Variants in KCNJ12 observed in about 807,000 individuals in gnomAD.
KCNJ12 encodes the protein potassium inwardly rectifying channel subfamily J member 12, also known as ATP-sensitive inward rectifier potassium channel 12.
A neutral mutation model predicts 22.3 loss-of-function variants in KCNJ12; 2 were observed. That is an observed-to-expected ratio of 0.09 (90% CI 0.04 to 0.28). The LOEUF is 0.28. KCNJ12 is among the 10% of genes least tolerant of loss of function. The pLI, the probability that KCNJ12 is intolerant of heterozygous loss-of-function variation, is 1.00. For synonymous variants in KCNJ12, 117 were observed against 261.4 expected (o/e 0.45, Z 5.33); for missense variants, 155 against 633.3 (o/e 0.24, Z 8.11).
intron 1 of KCNJ12, among the ~76,000 whole-genome samples, chr17:21,395,538 A>G (rs574575024): frequency 1.1e-3 from 131 of 124,498 alleles, no homozygotes; most frequent in Admixed American, 1.6e-3. Flanking sequence ...CCGAGATCGC[A>G]CCACTACACT....
intron 1 of KCNJ12, among the ~76,000 whole-genome samples, chr17:21,378,611 C>T (rs1904756172): frequency 6.6e-6 from 1 of 152,208 alleles, no homozygotes; most frequent in Non-Finnish European, 1.5e-5. Flanking sequence ...AGGGACACCC[C>T]TCTTCTCCAC....
intron 1 of KCNJ12, among the ~76,000 whole-genome samples, chr17:21,404,480 C>T (rs1455296769): frequency 1.3e-5 from 2 of 152,380 alleles, no homozygotes; most frequent in East Asian, 1.9e-4. Context: ...TGAAGGCAGG[C>T]GCCCAATGCT....
At chr17:21,394,313 T>C (rs1368357092) in intron 1 of KCNJ12, among the ~76,000 whole-genome samples, 1 of 152,208 alleles carries the variant, frequency 6.6e-6, no homozygotes, top group Non-Finnish European at 1.5e-5. Flanking sequence ...CTGCCTACAG[T>C]GTTCAGTACA....
chr17:21,376,549 CG>C lies in KCNJ12; in HGVS notation c.-539del, dbSNP rs1398511098. The C allele has an allele frequency of 4.0e-5, 6 of 151,570 alleles. No homozygotes were observed. Among genetic ancestry groups the C allele is most frequent in the African/African-American group, 1.5e-4 (6 of 41,168 alleles). The allele number at this position is 151,570 out of a possible 1,614,324, so 9.4% of individuals were successfully genotyped here. A position where few individuals can be genotyped will look rare whatever the true frequency, so the allele number is the denominator to read the frequency against. On this transcript the variant is annotated 5_prime_UTR_variant, in exon 1 of 3. Transcript: ENST00000583088. The surrounding 1 kb of genome is among the most constrained non-coding windows in gnomAD (Gnocchi z 5.3). ...CGCGGTCAGAGCCTGCGAGGAGGTGCGGGGCGCCGGGGCGTAGGGGAGCGCG... is the reference window on the plus strand; with the variant it reads ...CGCGGTCAGAGCCTGCGAGGAGGTGCGGGCGCCGGGGCGTAGGGGAGCGCG...
intron 1 of KCNJ12, among the ~76,000 whole-genome samples, chr17:21,382,821 G>A (rs996762839): frequency 1.1e-4 from 16 of 152,130 alleles, no homozygotes; most frequent in Admixed American, 5.9e-4. Context: ...GGGAGTGGGG[G>A]CAGAAAAGGA....
chr17:21,377,318 G>A (rs1419468840), intron 1 of KCNJ12, among the ~76,000 whole-genome samples: 1 of 152,122 alleles, frequency 6.6e-6, no homozygotes, highest in Non-Finnish European at 1.5e-5. Flanking sequence ...CGGAGACCCC[G>A]CGATCGAGGT....
At chr17:21,411,325 G>C (rs548279538) in intron 2 of KCNJ12, among the ~76,000 whole-genome samples, 4 of 152,310 alleles carry the variant, frequency 2.6e-5, no homozygotes, top group Admixed American at 2.6e-4. Context: ...TGGACTGGTC[G>C]CTGGGAGGCT....
At chr17:21,380,464 G>C (rs933032627) in intron 1 of KCNJ12, among the ~76,000 whole-genome samples, 11 of 152,304 alleles carry the variant, frequency 7.2e-5, no homozygotes, top group Non-Finnish European at 1.0e-4. Context: ...ACAGACTCAG[G>C]GGGGCAAGAG....
At chr17:21,384,977 G>A (rs919027166) in intron 1 of KCNJ12, among the ~76,000 whole-genome samples, 6 of 151,864 alleles carry the variant, frequency 4.0e-5, no homozygotes, top group East Asian at 1.9e-4. Context: ...GGGTTTCACC[G>A]TGTTAGCCAG....
intron 2 of KCNJ12, among the ~76,000 whole-genome samples, chr17:21,410,832 C>T (rs1413416822): frequency 4.3e-4 from 66 of 152,424 alleles, no homozygotes; most frequent in African/African-American, 1.4e-3. Context: ...TCCGTCTGCT[C>T]ATCTGGAAAA....
At chr17:21,409,638 G>A (rs2142072233) in intron 2 of KCNJ12, among the ~76,000 whole-genome samples, 1 of 152,428 alleles carries the variant, frequency 6.6e-6, no homozygotes, top group Admixed American at 6.5e-5. Flanking sequence ...AGCTGTCCTG[G>A]CAGCATCAGC....
At chr17:21,398,091 ATG>A (rs58836229) in intron 1 of KCNJ12, among the ~76,000 whole-genome samples, 23,140 of 145,606 alleles carry the variant, frequency 0.16, 4,784 homozygotes, top group African/African-American at 0.49. Context: ...ACGTGTGTGT[ATG>A]TGTGTGTGTG....
Position 21,388,220 on chromosome 17 carries a change from A to G in KCNJ12, c.-179+11307A>G, listed in dbSNP as rs572963804. On this transcript the variant is annotated intron_variant, in intron 1 of 2. Coordinates refer to ENST00000583088, the MANE Select transcript of KCNJ12 (RefSeq NM_021012.5). ...GGGTGGGATGCCCTGGCCACATGCC[A>G]GCCCTCTGTCATCCTCCTGGGTCTC... Among the ~76,000 whole-genome samples, 249 of 152,304 alleles carry G rather than the reference A, an allele frequency of 1.6e-3. 3 individuals carry two copies. In the Middle Eastern group the frequency reaches 0.017, roughly 10 times the overall value.
At chr17:21,414,932 A>C (rs1906607079) in intron 2 of KCNJ12, among the ~76,000 whole-genome samples, 1 of 152,310 alleles carries the variant, frequency 6.6e-6, no homozygotes, top group South Asian at 2.1e-4. Flanking sequence ...CTGGGGGGCC[A>C]TGGGCAGAGG....
intron 1 of KCNJ12, among the ~76,000 whole-genome samples, chr17:21,408,184 C>A (rs1906095872): frequency 6.6e-6 from 1 of 152,300 alleles, no homozygotes; most frequent in South Asian, 2.1e-4. Context: ...ATAGTAACAA[C>A]AATAGTTCCA....
intron 2 of KCNJ12, among the ~76,000 whole-genome samples, chr17:21,409,454 G>A (rs1373518861): frequency 1.0e-4 from 16 of 152,410 alleles, no homozygotes; most frequent in Admixed American, 2.6e-4. Context: ...GGTGATCCCA[G>A]GAAATAAGGA....
chr17:21,401,467 C>T (rs73983506), intron 1 of KCNJ12, among the ~76,000 whole-genome samples: 24 of 148,386 alleles, frequency 1.6e-4, no homozygotes, highest in East Asian at 4.1e-4. Context: ...GCTCAGAGCT[C>T]AGCAGGGGTC....
chr17:21,410,275 C>G (rs1165523659), intron 2 of KCNJ12, among the ~76,000 whole-genome samples: 26 of 152,230 alleles, frequency 1.7e-4, no homozygotes, highest in African/African-American at 6.0e-4. Flanking sequence ...TGTGACGGAG[C>G]AAGGGCACCG....
intron 2 of KCNJ12, among the ~76,000 whole-genome samples, chr17:21,413,623 G>A (rs368021109): frequency 0.11 from 13,862 of 128,834 alleles, no homozygotes; most frequent in Non-Finnish European, 0.13. Context: ...ATCCAGATGT[G>A]GCTGTGGGCC....
Sources: allele counts gnomAD v4.1 joint callset (sites outside exome capture counted in the v4.1 genomes callset), GRCh38; gene constraint gnomAD v4.1.1; non-coding constraint Gnocchi (gnomAD v3.1); transcripts MANE v1.5; gene names NCBI Gene and HGNC (gene_info 2026-07-23, HGNC 2026-07-21).